REPS1: variants seen among roughly 807,000 people sequenced by gnomAD.
The protein encoded by REPS1 is ralBP1-associated Eps domain-containing protein 1.
REPS1 carries 39 observed loss-of-function variants against 100.9 expected under a neutral mutation model. That is an observed-to-expected ratio of 0.39 (90% CI 0.30 to 0.50). The LOEUF (loss-of-function observed/expected upper bound fraction) is 0.50, where lower values mean the gene tolerates loss of function less well. Among genes scored for constraint, REPS1 ranks in the 20% least tolerant of loss-of-function variants. The probability of loss-of-function intolerance (pLI) is 0.86; values close to 1 mark genes in which losing one functional copy is unlikely to be tolerated. For missense variants in REPS1, 821 were observed against 968.5 expected (o/e 0.85, Z 2.02); for synonymous variants, 324 against 340.3 (o/e 0.95, Z 0.53).
chr6:138,911,525 C>T (rs981581515), intron 16 of REPS1, among the ~76,000 whole-genome samples, 154 bp from the exon 17 acceptor site: 7 of 152,170 alleles, frequency 4.6e-5, no homozygotes, highest in African/African-American at 1.7e-4. Context: ...TTAAATGAGC[C>T]TTCTCTGCTA....
chr6:138,979,969 C>T (rs2128511057), intron 1 of REPS1, among the ~76,000 whole-genome samples: 2 of 152,316 alleles, frequency 1.3e-5, no homozygotes, highest in South Asian at 4.1e-4. Context: ...GACAATCTTA[C>T]AGGCTTCTGA....
At chr6:138,972,623 T>C (rs763988563) in intron 1 of REPS1, among the ~76,000 whole-genome samples, 1 of 150,972 alleles carries the variant, frequency 6.6e-6, no homozygotes, top group Non-Finnish European at 1.5e-5. Context: ...TTGAAAATTA[T>C]GCCTCTGCAG....
rs1453868623 is a variant in REPS1, at chr6:138,986,150, G to T, written c.153+1380C>A. 2.6e-5 allele frequency among the ~76,000 whole-genome samples: 4 copies of T among 152,240 alleles called. 1 individual carries two copies. In the South Asian group the frequency reaches 8.3e-4, roughly 32 times the overall value. ...GCTAAGAATGGCTTTACATTTTTGT[G>T]TTTTGTAAACACAAGAAGAAGAATA... is the stretch of plus-strand genomic sequence containing the variant. On this transcript the variant is annotated intron_variant, in intron 1 of 19. Coordinates refer to ENST00000450536, the MANE Select transcript of REPS1 (RefSeq NM_001286611.2).
intron 1 of REPS1, among the ~76,000 whole-genome samples, chr6:138,986,895 C>T (rs1367716870): frequency 6.6e-6 from 1 of 152,234 alleles, no homozygotes; most frequent in African/African-American, 2.4e-5. Context: ...CAACCCAAAT[C>T]CACAAGTTCC....
chr6:138,925,584 C>A, intron 10 of REPS1, among the ~76,000 whole-genome samples: 1 of 151,552 alleles, frequency 6.6e-6, no homozygotes. Context: ...AAAAATTCTG[C>A]CTTTACACAT....
intron 1 of REPS1, among the ~76,000 whole-genome samples, chr6:138,971,698 G>A (rs1329550806): frequency 6.6e-6 from 1 of 152,154 alleles, no homozygotes; most frequent in African/African-American, 2.4e-5. Context: ...AGAATTCTGT[G>A]CTATTGTTCT....
At chr6:138,964,641 A>C (rs1783915179) in intron 1 of REPS1, among the ~76,000 whole-genome samples, 1 of 152,024 alleles carries the variant, frequency 6.6e-6, no homozygotes, top group African/African-American at 2.4e-5. Flanking sequence ...AATTTTAAAA[A>C]TAGACAAGAA....
intron 10 of REPS1, among the ~76,000 whole-genome samples, chr6:138,921,659 C>A (rs1780771407): frequency 7.1e-6 from 1 of 141,018 alleles, no homozygotes; most frequent in African/African-American, 2.6e-5. Context: ...TCACTGCAAC[C>A]TTCCGCCTCC....
At chr6:138,931,181 T>C (rs1386305310) in intron 8 of REPS1, among the ~76,000 whole-genome samples, 1 of 152,198 alleles carries the variant, frequency 6.6e-6, no homozygotes, top group Non-Finnish European at 1.5e-5. Flanking sequence ...TGCCATTAAA[T>C]GTTAGCACTA....
At chr6:138,923,345 TAA>T (rs1239232053) in intron 10 of REPS1, among the ~76,000 whole-genome samples, 2 of 152,088 alleles carry the variant, frequency 1.3e-5, no homozygotes, top group African/African-American at 4.8e-5. Flanking sequence ...CATGAGAAAA[TAA>T]GTCTTATTCC....
At chr6:138,907,675 C>A in intron 18 of REPS1, 75 bp from the exon 19 acceptor site, 3 of 936,356 alleles carry the variant, frequency 3.2e-6, no homozygotes, top group Non-Finnish European at 5.1e-6. Flanking sequence ...CCTTCCTGAT[C>A]TATTTCTAAA....
intron 8 of REPS1, among the ~76,000 whole-genome samples, chr6:138,937,761 C>A (rs1781951020): frequency 6.6e-6 from 1 of 152,150 alleles, no homozygotes; most frequent in Non-Finnish European, 1.5e-5. Flanking sequence ...GTCATTTAAT[C>A]ATTTCAACAA....
chr6:138,978,035 T>G (rs1401475384), intron 1 of REPS1, among the ~76,000 whole-genome samples: 1 of 152,226 alleles, frequency 6.6e-6, no homozygotes, highest in African/African-American at 2.4e-5. Context: ...CCATTCTTAT[T>G]GTTGTCTTTG....
At chr6:138,980,907 A>C (rs1784913653) in intron 1 of REPS1, among the ~76,000 whole-genome samples, 2 of 152,100 alleles carry the variant, frequency 1.3e-5, no homozygotes, top group Admixed American at 1.3e-4. Context: ...TTGATCCTTC[A>C]CCACTGCATG....
chr6:138,915,953 T>C lies in REPS1; in HGVS notation c.1625A>G (p.Asp542Gly). Residue 542 changes from aspartate (D) to glycine (G), a missense_variant, in exon 14 of 20, where the codon GAT becomes GGT. Transcript: ENST00000450536. ...AGGGGGAGGTGGTGGTGCAGTGTTA[T>C]CAGGCGACGTTCCTGAATGAGACCT... is the stretch of plus-strand genomic sequence containing the variant. The part of the protein sequence containing the change: ...RQRSHSGTSP[D>G]NTAPPPPPPR... 2 of 1,613,906 alleles carry C rather than the reference T, an allele frequency of 1.2e-6. No homozygotes were observed. The highest frequency in any genetic ancestry group is 1.7e-6 in the Non-Finnish European group (2 of 1,179,816).
At chr6:138,907,919 G>T (rs1325413746) in intron 18 of REPS1, among the ~76,000 whole-genome samples, 1 of 152,000 alleles carries the variant, frequency 6.6e-6, no homozygotes, top group Non-Finnish European at 1.5e-5. Context: ...AGGCTTTGTG[G>T]GCCAAAGAGT....
intron 12 of REPS1, among the ~76,000 whole-genome samples, 187 bp from the exon 13 acceptor site, chr6:138,917,814 TACACA>T (rs1410394239): frequency 2.0e-5 from 3 of 152,154 alleles, no homozygotes; most frequent in Non-Finnish European, 4.4e-5. Context: ...ATGGCATATT[TACACA>T]GTAGACAAAG....
intron 15 of REPS1, among the ~76,000 whole-genome samples, chr6:138,914,231 A>T (rs953235806): frequency 2.7e-5 from 4 of 149,908 alleles, no homozygotes; most frequent in African/African-American, 7.6e-5. Context: ...CACCACACCC[A>T]GCTAATTTTT....
chr6:138,961,460 C>T (rs1020780480), intron 1 of REPS1, among the ~76,000 whole-genome samples: 6 of 151,994 alleles, frequency 3.9e-5, no homozygotes, highest in South Asian at 2.1e-4. Flanking sequence ...CTCTTGACCT[C>T]GTGATCCACC....
Sources: gnomAD v4.1 joint callset for allele counts (sites outside exome capture counted in the v4.1 genomes callset) on GRCh38, gnomAD v4.1.1 for gene constraint, MANE v1.5 for transcripts, NCBI Gene and HGNC (gene_info 2026-07-23, HGNC 2026-07-21) for gene names.